Variants in PRKD1 observed in about 807,000 individuals in gnomAD.
PRKD1 encodes serine/threonine-protein kinase D1.
Under a neutral mutation model 95.9 loss-of-function variants are expected in PRKD1, and 63 were observed. The ratio of observed to expected loss-of-function variants is 0.66; its 90% CI spans 0.54 to 0.81. PRKD1 has a LOEUF of 0.81. Among genes scored for constraint, PRKD1 ranks in the 30% least tolerant of loss-of-function variants. PRKD1 has a pLI of 0.00. For synonymous variants in PRKD1, 425 were observed against 423.1 expected, an observed-to-expected ratio of 1.00 and a Z score of -0.05; for missense variants, 1,048 against 1,165.3, an observed-to-expected ratio of 0.90 and a Z score of 1.47.
chr14:29,677,759 T>C (rs1373429471), intron 2 of PRKD1, among the ~76,000 whole-genome samples: 1 of 152,152 alleles, frequency 6.6e-6, no homozygotes, highest in Non-Finnish European at 1.5e-5. Flanking sequence ...GAGATGGGAT[T>C]TCACCATGTT....
In PRKD1 at chr14:29,576,481, T is replaced by C. The variant is rs1892558672; in HGVS notation, c.*757A>G. 1 of 152,568 alleles carries C rather than the reference T, an allele frequency of 6.6e-6. No individual in the cohort carries two copies. Among genetic ancestry groups the C allele is most frequent in the Non-Finnish European group, 1.5e-5 (1 of 68,092 alleles). The allele number at this position is 152,568 out of a possible 1,614,324, so 9.5% of individuals were successfully genotyped here. ...TAGTTCAATGAGGTGGACACATATTTTGACAAGAATATTTTTTATTATTGA... is the reference window on the plus strand; with the variant it reads ...TAGTTCAATGAGGTGGACACATATTCTGACAAGAATATTTTTTATTATTGA... On this transcript the variant is annotated 3_prime_UTR_variant, in exon 18 of 18. Coordinates refer to ENST00000331968, the MANE Select transcript of PRKD1 (RefSeq NM_002742.3).
At chr14:29,784,690 G>T (rs570965304) in intron 1 of PRKD1, among the ~76,000 whole-genome samples, 2 of 152,260 alleles carry the variant, frequency 1.3e-5, no homozygotes, top group Non-Finnish European at 2.9e-5. Context: ...GTTGCCTGTG[G>T]TCTGAGGGTT....
rs529340348 is a variant in PRKD1 at position 29,651,854 on chromosome 14, C to T, written c.696+11845G>A. ...CCACCTCCCAGGTTCAAGTGATACT[C>T]CTACCTCAGCCTTCCAACTAGCTGG... On this transcript the variant is annotated intron_variant, in intron 4 of 17. Transcript: ENST00000331968. 1.7e-4 allele frequency among the ~76,000 whole-genome samples: 26 copies of T among 152,210 alleles called. No individual in the cohort carries two copies. The South Asian group carries it at 1.9e-3, about 11-fold the overall frequency.
chr14:29,790,115 G>A (rs769267493), intron 1 of PRKD1, among the ~76,000 whole-genome samples: 3 of 147,072 alleles, frequency 2.0e-5, no homozygotes, highest in African/African-American at 5.0e-5. Context: ...GGGCTCAAGC[G>A]ATTCTCCTGC....
At chr14:29,581,443 A>G (rs974269749) in intron 16 of PRKD1, among the ~76,000 whole-genome samples, 4 of 152,112 alleles carry the variant, frequency 2.6e-5, no homozygotes, top group East Asian at 1.9e-4. Flanking sequence ...TATTATTTTA[A>G]TCTCCATTTT....
intron 1 of PRKD1, among the ~76,000 whole-genome samples, chr14:29,896,228 A>T (rs61979987): frequency 6.6e-6 from 1 of 152,344 alleles, no homozygotes; most frequent in Non-Finnish European, 1.5e-5. Context: ...ATGAAAATTT[A>T]GGAGGTTTTC....
rs956004360 is a variant in PRKD1 at position 29,721,509 on chromosome 14, CCAAA to C, written c.403+4023_403+4026del. Among the ~76,000 whole-genome samples the C allele has an allele frequency of 7.2e-5, 11 of 152,204 alleles. No homozygotes were observed. In the East Asian group the frequency reaches 1.4e-3, roughly 19 times the overall value. On this transcript the variant is annotated intron_variant, in intron 2 of 17. Coordinates refer to ENST00000331968, the MANE Select transcript of PRKD1 (RefSeq NM_002742.3). ...TTATTAGAGATCAAGCCAAAACCAA[CCAAA>C]CAAACAGTGTTTTGAGTCATGTAAA... is the stretch of plus-strand genomic sequence containing the variant.
At chr14:29,829,686 T>C (rs28380124) in intron 1 of PRKD1, among the ~76,000 whole-genome samples, 1,539 of 152,184 alleles carry the variant, frequency 0.01, 34 homozygotes, top group African/African-American at 0.035. Flanking sequence ...AAACCTCACA[T>C]TAGAAAAAAA....
At chr14:29,744,346 A>G (rs529144894) in intron 1 of PRKD1, among the ~76,000 whole-genome samples, 1 of 152,048 alleles carries the variant, frequency 6.6e-6, no homozygotes, top group East Asian at 1.9e-4. Flanking sequence ...TCTCTCACAT[A>G]TCTAATCTGT....
intron 13 of PRKD1, among the ~76,000 whole-genome samples, chr14:29,612,906 G>A (rs1878573154): frequency 6.6e-6 from 1 of 152,106 alleles, no homozygotes; most frequent in Non-Finnish European, 1.5e-5. Context: ...AGACCATCCT[G>A]GCTAACAAGG....
In PRKD1 at chr14:29,863,359, T is replaced by C. The variant is rs910472845; in HGVS notation, c.264+63890A>G. Among the ~76,000 whole-genome samples the C allele has an allele frequency of 2.6e-5, 4 of 152,170 alleles. No homozygotes were observed. In the East Asian group the frequency reaches 7.7e-4, roughly 29 times the overall value. ...GTTTTGAAGACAGTGGAATTAAAAA[T>C]GAAGTGGTTTTAACTAAATATTTCA... On this transcript the variant is annotated intron_variant, in intron 1 of 17. Coordinates refer to ENST00000331968, the MANE Select transcript of PRKD1 (RefSeq NM_002742.3).
In PRKD1 at chr14:29,914,079, G is replaced by A. The variant is rs147602131; in HGVS notation, c.264+13170C>T. ...GCAGTACTCATTCAGGGCAGGAACC[G>A]TTAGAATCGAACTGAATTGTGAATG... On this transcript the variant is annotated intron_variant, in intron 1 of 17. Coordinates refer to ENST00000331968, the MANE Select transcript of PRKD1 (RefSeq NM_002742.3). Among the ~76,000 whole-genome samples, 84 of 152,318 alleles carry A rather than the reference G, an allele frequency of 5.5e-4. No homozygotes were observed. In the East Asian group the frequency reaches 9.8e-3, roughly 18 times the overall value.
intron 1 of PRKD1, among the ~76,000 whole-genome samples, chr14:29,774,890 C>T (rs1426091856): frequency 6.6e-6 from 1 of 151,978 alleles, no homozygotes; most frequent in Non-Finnish European, 1.5e-5. Flanking sequence ...AATAGTGGTG[C>T]TTTATGAAGA....
intron 2 of PRKD1, among the ~76,000 whole-genome samples, chr14:29,672,822 A>G (rs944472619): frequency 1.3e-5 from 2 of 152,166 alleles, no homozygotes; most frequent in Non-Finnish European, 2.9e-5. Context: ...CCAGACAAGC[A>G]GGTAACCAGG....
At chr14:29,647,383 G>A (rs1881193219) in intron 4 of PRKD1, among the ~76,000 whole-genome samples, 1 of 152,162 alleles carries the variant, frequency 6.6e-6, no homozygotes, top group Non-Finnish European at 1.5e-5. Flanking sequence ...TTCAAAAATT[G>A]TTGCAAATTA....
At chr14:29,893,398 AG>A (rs1894007899) in intron 1 of PRKD1, among the ~76,000 whole-genome samples, 1 of 122,782 alleles carries the variant, frequency 8.1e-6, no homozygotes, top group Non-Finnish European at 1.7e-5. Context: ...TAATAGAAAG[AG>A]GTTTTTTTTT....
chr14:29,642,871 T>A (rs1290548864), intron 4 of PRKD1, among the ~76,000 whole-genome samples: 1 of 151,908 alleles, frequency 6.6e-6, no homozygotes, highest in Non-Finnish European at 1.5e-5. Context: ...TATTCCAATT[T>A]GGCCCCATGT....
intron 2 of PRKD1, among the ~76,000 whole-genome samples, chr14:29,675,187 C>T (rs1485248958): frequency 6.6e-6 from 1 of 152,204 alleles, no homozygotes. Flanking sequence ...CCGACTGATT[C>T]AGTTGGTCTG....
At chr14:29,917,655 T>C (rs747387485) in intron 1 of PRKD1, among the ~76,000 whole-genome samples, 18 of 152,208 alleles carry the variant, frequency 1.2e-4, no homozygotes, top group Non-Finnish European at 2.2e-4. Flanking sequence ...TACAGCTCTT[T>C]ATTTAAAATG....
Sources: gnomAD v4.1 joint callset for allele counts (sites outside exome capture counted in the v4.1 genomes callset) on GRCh38, gnomAD v4.1.1 for gene constraint, MANE v1.5 for transcripts, NCBI Gene and HGNC (gene_info 2026-07-23, HGNC 2026-07-21) for gene names.